Variants in GLTPD2 observed in about 807,000 individuals in gnomAD.
The protein encoded by GLTPD2 is glycolipid transfer protein domain containing 2, also known as glycolipid transfer protein domain-containing protein 2.
A neutral mutation model predicts 12.9 loss-of-function variants in GLTPD2; 12 were observed. That is an observed-to-expected ratio of 0.93 (90% confidence interval 0.59 to 1.50). The LOEUF (loss-of-function observed/expected upper bound fraction) is 1.50, where lower values mean the gene tolerates loss of function less well. Ranked by LOEUF, GLTPD2 falls within the 40% of genes most tolerant of loss-of-function variation. The pLI is 0.00. For synonymous variants in GLTPD2, 199 were observed against 205.6 expected (o/e 0.97, Z 0.27); for missense variants, 450 against 426.2 (o/e 1.06, Z -0.49).
In GLTPD2 at chr17:4,790,358, CG is replaced by C; in HGVS notation, c.*66del. 2 of 1,325,146 alleles carry C rather than the reference CG, an allele frequency of 1.5e-6. No homozygotes were observed. Among genetic ancestry groups the C allele is most frequent in the East Asian group, 6.3e-5 (2 of 31,870 alleles). The allele number at this position is 1,325,146 out of a possible 1,614,324, so 82.1% of individuals were successfully genotyped here. A position where few individuals can be genotyped will look rare whatever the true frequency, so the allele number is the denominator to read the frequency against. On this transcript the variant is annotated 3_prime_UTR_variant, in exon 4 of 4. Coordinates refer to ENST00000331264, the MANE Select transcript of GLTPD2 (RefSeq NM_001014985.3). ...CCGCCCGGGGTGGGGCCGCGCAGCCCGGGGTCAGTCCTGCAGCCCGCGCCGC... is the reference window on the plus strand; with the variant it reads ...CCGCCCGGGGTGGGGCCGCGCAGCCCGGGTCAGTCCTGCAGCCCGCGCCGC...
In GLTPD2 at chr17:4,789,159, G is replaced by T. The variant is rs759477872; in HGVS notation, c.106+42G>T. 6.2e-6 allele frequency: 10 copies of T among 1,608,898 alleles called. No individual in the cohort carries two copies. In the Admixed American group the frequency reaches 1.7e-4, roughly 27 times the overall value. On this transcript the variant is annotated intron_variant, in intron 1 of 3. Coordinates refer to ENST00000331264, the MANE Select transcript of GLTPD2 (RefSeq NM_001014985.3). ...CTCACTTGCTCCGGGAGGAAGCCCG[G>T]AATCCAGGCCCTCACGACTCAAGCC...
Position 4,789,027 on chromosome 17 carries a change from C to T in GLTPD2, c.16C>T (p.Arg6Trp), listed in dbSNP as rs770980445. Reference protein sequence around the residue: MGVAARPPALRHWFSH... With the variant: MGVAAWPPALRHWFSH... ...AGCAGCAGGCATGGGAGTGGCGGCG[C>T]GGCCCCCAGCCCTGCGGCACTGGTT... is the stretch of plus-strand genomic sequence containing the variant. Residue 6 changes from arginine to tryptophan, a missense_variant, in exon 1 of 4, where the codon CGG (arginine) becomes TGG (tryptophan). Coordinates refer to ENST00000331264, the MANE Select transcript of GLTPD2 (RefSeq NM_001014985.3). 1 of 1,612,022 alleles carries T rather than the reference C, an allele frequency of 6.2e-7. No homozygotes were observed. The highest frequency in any genetic ancestry group is 8.5e-7 in the Non-Finnish European group (1 of 1,179,542).
chr17:4,789,057 C>T lies in GLTPD2; in HGVS notation c.46C>T (p.His16Tyr). Reference sequence around the variant, plus strand: ...CCCAGCCCTGCGGCACTGGTTCAGCCACTCAATTCCTCTCGCTATCTTCGC... The same window carrying T: ...CCCAGCCCTGCGGCACTGGTTCAGCTACTCAATTCCTCTCGCTATCTTCGC... ...RPPALRHWFS[H>Y]SIPLAIFALL... The change falls in exon 1 of 4, where the codon CAC becomes TAC. Residue 16 changes from histidine to tyrosine, a missense_variant. By Grantham distance (83) the His-to-Tyr change is moderately conservative. Transcript: ENST00000331264. 1 of 1,613,930 alleles carries T rather than the reference C, an allele frequency of 6.2e-7. No homozygotes were observed. The highest frequency in any genetic ancestry group is 2.2e-5 in the East Asian group (1 of 44,870).
In GLTPD2 at chr17:4,790,144, C is replaced by A. The variant is rs868386275; in HGVS notation, c.724C>A (p.Pro242Thr). The stretch of plus-strand genomic sequence containing the variant: ...CGCCCGCCTCGCCTTCCTCGCCTTC[C>A]CGGGTCGCCGCCGCCTGCTGGAGCT... ...QTARLAFLAFPGRRRLLELAC... is the reference protein window; with the variant it reads ...QTARLAFLAFTGRRRLLELAC... The change falls in exon 4 of 4, where the codon CCG becomes ACG. Residue 242 changes from proline (P) to threonine (T), a missense_variant. Transcript: ENST00000331264. The A allele has an allele frequency of 6.8e-7, 1 of 1,465,484 alleles. No individual in the cohort carries two copies. The highest frequency in any genetic ancestry group is 8.9e-7 in the Non-Finnish European group (1 of 1,118,728). The allele number at this position is 1,465,484 out of a possible 1,614,324, so 90.8% of individuals were successfully genotyped here. A position where few individuals can be genotyped will look rare whatever the true frequency, so the allele number is the denominator to read the frequency against.
rs764780972 is a variant in GLTPD2 at position 4,789,743 on chromosome 17, A to G, written c.339-16A>G. ...GGCGGCTCCATCTCCATTCTCTCAA[A>G]TCGTCTCGCCCGCAGGTTCCTGACT... is the stretch of plus-strand genomic sequence containing the variant. On this transcript the variant is annotated splice_polypyrimidine_tract_variant and intron_variant, in intron 3 of 3. Coordinates refer to ENST00000331264, the MANE Select transcript of GLTPD2 (RefSeq NM_001014985.3). 3.7e-6 allele frequency: 6 copies of G among 1,613,460 alleles called. No individual in the cohort carries two copies. The South Asian group carries it at 5.5e-5, about 15-fold the overall frequency.
At chr17:4,789,151 G>C in intron 1 of GLTPD2, 34 bp downstream of exon 1, 5 of 1,610,400 alleles carry the variant, frequency 3.1e-6, no homozygotes, top group Non-Finnish European at 4.2e-6. Context: ...GCTCCGGGAG[G>C]AAGCCCGGAA....
chr17:4,789,245 A>G lies in GLTPD2; in HGVS notation c.126A>G (p.Gly42=), dbSNP rs2150654622. 1 of 1,600,466 alleles carries G rather than the reference A, an allele frequency of 6.2e-7. No individual in the cohort carries two copies. The highest frequency in any genetic ancestry group is 8.5e-7 in the Non-Finnish European group (1 of 1,173,032). The change falls in exon 2 of 4, where the codon GGA becomes GGG. Residue 42 remains glycine (G), a synonymous_variant. Coordinates refer to ENST00000331264, the MANE Select transcript of GLTPD2 (RefSeq NM_001014985.3). ...ACCCAGGCGCCCGCTCGGGCTGCGG[A>G]CCCAGGGCGCAGCCCTGCGTTCCAG... ...VRSLGARSGC[G]PRAQPCVPGE... is the part of the protein sequence containing the mutation.
chr17:4,789,676 G>A lies in GLTPD2; in HGVS notation c.337G>A (p.Glu113Lys), dbSNP rs1280085931. 1 of 1,610,498 alleles carries A rather than the reference G, an allele frequency of 6.2e-7. No homozygotes were observed. Among genetic ancestry groups the A allele is most frequent in the Non-Finnish European group, 8.5e-7 (1 of 1,178,474 alleles). ...CCTGGCGGGATGGAGGGCACTCGTCGAGTGAGTGGCCTCCCGCCCCCCAGC... is the reference window on the plus strand; with the variant it reads ...CCTGGCGGGATGGAGGGCACTCGTCAAGTGAGTGGCCTCCCGCCCCCCAGC... Reference protein sequence around the residue: ...PYLAGWRALVEFLTPLGSVFA... With the variant: ...PYLAGWRALVKFLTPLGSVFA... Residue 113 changes from glutamate (E) to lysine (K), a missense_variant and splice_region_variant, in exon 3 of 4, where the codon GAG (glutamate) becomes AAG (lysine). Transcript: ENST00000331264.
Position 4,790,206 on chromosome 17 carries a change from CG to C in GLTPD2, c.787del (p.Ala263ArgfsTer69). ...PGATEAEARAALVRAAGTLED... is the reference protein window; with the variant it reads ...PGATEAEARAXLVRAAGTLED... ...GAGCCACCGAGGCGGAGGCGCGGGC[CG>C]CGCTGGTCCGGGCCGCCGGCACCTT... On this transcript the variant is annotated frameshift_variant, in exon 4 of 4. Transcript: ENST00000331264. LOFTEE classifies it low-confidence loss of function (END_TRUNC). 4 of 1,480,314 alleles carry C rather than the reference CG, an allele frequency of 2.7e-6. 1 individual carries two copies. The highest frequency in any genetic ancestry group is 4.5e-4 in the Middle Eastern group (2 of 4,416). The allele number at this position is 1,480,314 out of a possible 1,614,324, so 91.7% of individuals were successfully genotyped here.
chr17:4,789,418 G>C, intron 2 of GLTPD2, 93 bp from the exon 3 acceptor site: 1 of 1,521,080 alleles, frequency 6.6e-7, no homozygotes, highest in Non-Finnish European at 9.0e-7. Flanking sequence ...CGGAAGCTGA[G>C]CGCACAGCAG....
In GLTPD2 at chr17:4,790,365, A is replaced by G. The variant is rs1917640675; in HGVS notation, c.*69A>G. The stretch of plus-strand genomic sequence containing the variant: ...GGGTGGGGCCGCGCAGCCCGGGGTC[A>G]GTCCTGCAGCCCGCGCCGCGGCCGC... On this transcript the variant is annotated 3_prime_UTR_variant, in exon 4 of 4. Transcript: ENST00000331264. The G allele has an allele frequency of 6.4e-6, 8 of 1,241,822 alleles. No homozygotes were observed. The highest frequency in any genetic ancestry group is 3.2e-5 in the African/African-American group (2 of 62,990). 76.9% of individuals were successfully genotyped at this position (1,241,822 alleles called of 1,614,324 possible). A position where few individuals can be genotyped will look rare whatever the true frequency, so the allele number is the denominator to read the frequency against.
chr17:4,789,382 TC>T (rs1567712125), intron 2 of GLTPD2, 92 bp downstream of exon 2: 1 of 1,507,186 alleles, frequency 6.6e-7, no homozygotes, highest in Non-Finnish European at 9.0e-7. Flanking sequence ...AAAGGGCGGG[TC>T]CTCCCCCGGT....
chr17:4,789,669 A>C lies in GLTPD2; in HGVS notation c.330A>C (p.Ala110=). The C allele has an allele frequency of 6.2e-7, 1 of 1,612,214 alleles. No individual in the cohort carries two copies. Among genetic ancestry groups the C allele is most frequent in the Middle Eastern group, 1.7e-4 (1 of 5,974 alleles). Residue 110 remains alanine, a synonymous_variant, in exon 3 of 4, where the codon GCA becomes GCC. Transcript: ENST00000331264. ...GLSPYLAGWR[A]LVEFLTPLGS... Reference sequence around the variant, plus strand: ...CGCCGTACCTGGCGGGATGGAGGGCACTCGTCGAGTGAGTGGCCTCCCGCC... The same window carrying C: ...CGCCGTACCTGGCGGGATGGAGGGCCCTCGTCGAGTGAGTGGCCTCCCGCC...
In GLTPD2 at chr17:4,790,255, C is replaced by G; in HGVS notation, c.835C>G (p.Gln279Glu). ...GTLEDVYNRTQSLLAERGLLQ... is the reference protein window; with the variant it reads ...GTLEDVYNRTESLLAERGLLQ... ...CTTGGAGGATGTCTACAACCGCACC[C>G]AGAGCCTGCTGGCCGAGCGCGGCCT... is the stretch of plus-strand genomic sequence containing the variant. Residue 279 changes from glutamine (Q) to glutamate (E), a missense_variant, in exon 4 of 4, where the codon CAG becomes GAG. Gln to Glu is a conservative substitution (Grantham distance 29, BLOSUM62 2). Coordinates refer to ENST00000331264, the MANE Select transcript of GLTPD2 (RefSeq NM_001014985.3). 7 of 1,482,954 alleles carry G rather than the reference C, an allele frequency of 4.7e-6. No homozygotes were observed. Among genetic ancestry groups the G allele is most frequent in the South Asian group, 1.3e-5 (1 of 78,870 alleles). 91.9% of individuals were successfully genotyped at this position (1,482,954 alleles called of 1,614,324 possible).
At position 4,789,639 on chromosome 17, in the gene GLTPD2, G is replaced by A. The variant is rs1917610826; in HGVS notation, c.300G>A (p.Gly100=). 1 of 1,613,764 alleles carries A rather than the reference G, an allele frequency of 6.2e-7. No individual in the cohort carries two copies. Among genetic ancestry groups the A allele is most frequent in the Non-Finnish European group, 8.5e-7 (1 of 1,179,988 alleles). ...GTCTGAAACCCGAAGGGGATGTGGG[G>A]CTGTCGCCGTACCTGGCGGGATGGA... ...HASLKPEGDV[G]LSPYLAGWRA... is the part of the protein sequence containing the mutation. Residue 100 remains glycine (G), a synonymous_variant, in exon 3 of 4, where the codon GGG becomes GGA. Transcript: ENST00000331264.
chr17:4,790,009 C>G lies in GLTPD2; in HGVS notation c.589C>G (p.Leu197Val). 6.8e-7 allele frequency: 1 copy of G among 1,470,760 alleles called. No homozygotes were observed. Among genetic ancestry groups the G allele is most frequent in the Non-Finnish European group, 8.9e-7 (1 of 1,120,320 alleles). 91.1% of individuals were successfully genotyped at this position (1,470,760 alleles called of 1,614,324 possible). Reference protein sequence around the residue: ...HRALRWSQLCLHRVATGALGG... With the variant: ...HRALRWSQLCVHRVATGALGG... ...CGCGCTGCGCTGGTCCCAGCTCTGCCTCCACCGGGTGGCGACCGGCGCGCT... is the reference window on the plus strand; with the variant it reads ...CGCGCTGCGCTGGTCCCAGCTCTGCGTCCACCGGGTGGCGACCGGCGCGCT... The change falls in exon 4 of 4, where the codon CTC (leucine) becomes GTC (valine). Residue 197 changes from leucine (L) to valine (V), a missense_variant. Coordinates refer to ENST00000331264, the MANE Select transcript of GLTPD2 (RefSeq NM_001014985.3).
At position 4,790,166 on chromosome 17, in the gene GLTPD2, A is replaced by T. The variant is rs1917633520; in HGVS notation, c.746A>T (p.Glu249Val). 4 of 1,474,004 alleles carry T rather than the reference A, an allele frequency of 2.7e-6. No homozygotes were observed. In the South Asian group the frequency reaches 5.2e-5, roughly 19 times the overall value. 91.3% of individuals were successfully genotyped at this position (1,474,004 alleles called of 1,614,324 possible). A position where few individuals can be genotyped will look rare whatever the true frequency, so the allele number is the denominator to read the frequency against. Reference protein sequence around the residue: ...LAFPGRRRLLELACPGATEAE... With the variant: ...LAFPGRRRLLVLACPGATEAE... ...TTCCCGGGTCGCCGCCGCCTGCTGG[A>T]GCTGGCGTGTCCCGGAGCCACCGAG... Residue 249 changes from glutamate (E) to valine (V), a missense_variant, in exon 4 of 4, where the codon GAG becomes GTG. Coordinates refer to ENST00000331264, the MANE Select transcript of GLTPD2 (RefSeq NM_001014985.3).
intron 2 of GLTPD2, 92 bp from the exon 3 acceptor site, chr17:4,789,419 C>A: frequency 6.6e-7 from 1 of 1,517,302 alleles, no homozygotes; most frequent in Non-Finnish European, 9.0e-7. Context: ...GGAAGCTGAG[C>A]GCACAGCAGA....
chr17:4,789,382 T>C (rs1444860979), intron 2 of GLTPD2, 92 bp downstream of exon 2: 28 of 1,507,066 alleles, frequency 1.9e-5, no homozygotes, highest in Non-Finnish European at 2.2e-5. Context: ...AAAGGGCGGG[T>C]CCTCCCCCGG....
Sources: allele counts gnomAD v4.1 joint callset, GRCh38; gene constraint gnomAD v4.1.1; transcripts MANE v1.5; gene names NCBI Gene and HGNC (gene_info 2026-07-23, HGNC 2026-07-21).